The following TSC22D1 variants were observed in gnomAD, a reference collection of about 807,000 sequenced individuals.
The protein encoded by TSC22D1 is TSC22 domain family protein 1.
A neutral mutation model predicts 74.2 loss-of-function variants in TSC22D1; 9 were observed. That is an observed-to-expected ratio of 0.12 (90% CI 0.07 to 0.21). The LOEUF (loss-of-function observed/expected upper bound fraction) is 0.21. TSC22D1 is among the 10% of genes least tolerant of loss of function. The probability of loss-of-function intolerance (pLI) is 1.00; values close to 1 mark genes in which losing one functional copy is unlikely to be tolerated. For missense variants in TSC22D1, 1,427 were observed against 1,304.7 expected, an observed-to-expected ratio of 1.09 and a Z score of -1.44; for synonymous variants, 586 against 492.5, an observed-to-expected ratio of 1.19 and a Z score of -2.51.
intron 2 of TSC22D1, chr13:44,435,303 T>G (rs1017098850): frequency 6.1e-6 from 1 of 164,422 alleles, no homozygotes; most frequent in Non-Finnish European, 1.3e-5. Context: ...CCGAACATGT[T>G]GCCGCATTTT....
rs563174143 is a variant in TSC22D1, at chr13:44,478,550, G to C, written c.2913-42455C>G. ...AAAATAAATAGGAAGCTCAAAATCT[G>C]GGGGGGAAGGGTAAAATAATGGGGT... On this transcript the variant is annotated intron_variant, in intron 1 of 2. Coordinates refer to ENST00000458659, the MANE Select transcript of TSC22D1 (RefSeq NM_183422.4). 5.9e-5 allele frequency among the ~76,000 whole-genome samples: 7 copies of C among 119,132 alleles called. No individual in the cohort carries two copies. The South Asian group carries it at 1.8e-3, about 30-fold the overall frequency. 78.2% of individuals were successfully genotyped at this position (119,132 alleles called of 152,430 possible).
chr13:44,524,333 G>A (rs1045470089), intron 1 of TSC22D1, among the ~76,000 whole-genome samples: 4 of 150,080 alleles, frequency 2.7e-5, no homozygotes, highest in African/African-American at 7.3e-5. Context: ...TCAGAGAACC[G>A]AGATCACAGG....
chr13:44,497,084 G>A (rs1879012557), intron 1 of TSC22D1, among the ~76,000 whole-genome samples: 2 of 152,074 alleles, frequency 1.3e-5, no homozygotes, highest in South Asian at 4.1e-4. Flanking sequence ...TTGAAAATGG[G>A]TAGTAAGACA....
chr13:44,515,352 AG>A (rs767128576), intron 1 of TSC22D1, among the ~76,000 whole-genome samples: 5 of 152,174 alleles, frequency 3.3e-5, no homozygotes, highest in Non-Finnish European at 5.9e-5. Flanking sequence ...CTATATGGAA[AG>A]ATGGCCAAGA....
chr13:44,488,247 A>T (rs1303634336), intron 1 of TSC22D1, among the ~76,000 whole-genome samples: 1 of 152,132 alleles, frequency 6.6e-6, no homozygotes, highest in East Asian at 1.9e-4. Context: ...AGCCATACAC[A>T]CACAGCTATG....
intron 1 of TSC22D1, among the ~76,000 whole-genome samples, chr13:44,496,595 G>T (rs886617811): frequency 6.6e-6 from 1 of 152,086 alleles, no homozygotes; most frequent in South Asian, 2.1e-4. Context: ...TGAGACAGGA[G>T]AATCACTGGA....
chr13:44,487,014 A>G (rs1878458806), intron 1 of TSC22D1, among the ~76,000 whole-genome samples: 1 of 150,676 alleles, frequency 6.6e-6, no homozygotes, highest in East Asian at 1.9e-4. Context: ...AGGAAATGTA[A>G]AAAAAAAATA....
chr13:44,501,818 T>C (rs1382815786), intron 1 of TSC22D1, among the ~76,000 whole-genome samples: 2 of 152,204 alleles, frequency 1.3e-5, no homozygotes, highest in Admixed American at 1.3e-4. Context: ...CGCTAACACA[T>C]GTGCTGTGGG....
chr13:44,575,122 A>C lies in TSC22D1; in HGVS notation c.953T>G (p.Ile318Ser). ...TGTSTVNNVN[I>S]TAVGSFNPNV... ...AGGATTAAAACTACCCACAGCAGTA[A>C]TGTTAACATTATTTACTGTACTAGT... is the stretch of plus-strand genomic sequence containing the variant. The change falls in exon 1 of 3, where the codon ATT becomes AGT. Residue 318 changes from isoleucine to serine, a missense_variant. Ile to Ser is a moderately radical substitution (Grantham distance 142, BLOSUM62 -2). This residue lies in a region of TSC22D1 where 1,343 missense variants were observed against 1,191.5 expected (regional missense o/e 1.13). Coordinates refer to ENST00000458659, the MANE Select transcript of TSC22D1 (RefSeq NM_183422.4). 6.2e-7 allele frequency: 1 copy of C among 1,614,232 alleles called. No individual in the cohort carries two copies. The highest frequency in any genetic ancestry group is 1.3e-5 in the African/African-American group (1 of 75,072).
intron 1 of TSC22D1, among the ~76,000 whole-genome samples, chr13:44,466,504 C>T (rs907239954): frequency 7.9e-5 from 12 of 152,318 alleles, no homozygotes; most frequent in Middle Eastern, 3.4e-3. Flanking sequence ...CATAGTGGCT[C>T]ATGCCTGTAA....
At chr13:44,515,103 C>T (rs1454282595) in intron 1 of TSC22D1, among the ~76,000 whole-genome samples, 1 of 151,934 alleles carries the variant, frequency 6.6e-6, no homozygotes, top group African/African-American at 2.4e-5. Flanking sequence ...AAAATCATAC[C>T]CTTTGTCCCA....
At position 44,546,198 on chromosome 13, in the gene TSC22D1, T is replaced by C. The variant is rs78510190; in HGVS notation, c.2912+26965A>G. Among the ~76,000 whole-genome samples the C allele has an allele frequency of 6.2e-3, 947 of 152,300 alleles. 4 individuals are homozygous for C. The highest frequency in any genetic ancestry group is 8.7e-3 in the Non-Finnish European group (591 of 68,020). ...AAAGATTCTGATCAAGCAAGAATCATCAATGGATACTAAAATTAATGGAAG... is the reference window on the plus strand; with the variant it reads ...AAAGATTCTGATCAAGCAAGAATCACCAATGGATACTAAAATTAATGGAAG... On this transcript the variant is annotated intron_variant, in intron 1 of 2. Transcript: ENST00000458659.
chr13:44,550,349 G>A (rs936612329), intron 1 of TSC22D1, among the ~76,000 whole-genome samples: 4 of 151,994 alleles, frequency 2.6e-5, no homozygotes, highest in South Asian at 2.1e-4. Flanking sequence ...TTGGGAGGCC[G>A]GGTGGGTGGA....
intron 1 of TSC22D1, among the ~76,000 whole-genome samples, chr13:44,545,372 G>C (rs1417095090): frequency 6.6e-6 from 1 of 151,778 alleles, no homozygotes; most frequent in African/African-American, 2.4e-5. Flanking sequence ...ATTTGCCACT[G>C]ACTCCTTAAA....
intron 1 of TSC22D1, among the ~76,000 whole-genome samples, chr13:44,551,212 A>G (rs1882214743): frequency 6.6e-6 from 1 of 151,306 alleles, no homozygotes; most frequent in African/African-American, 2.4e-5. Flanking sequence ...CAGAAGTGGC[A>G]GTGATCCAAG....
At chr13:44,508,642 A>G (rs1041062936) in intron 1 of TSC22D1, among the ~76,000 whole-genome samples, 2 of 152,098 alleles carry the variant, frequency 1.3e-5, no homozygotes, top group Non-Finnish European at 2.9e-5. Flanking sequence ...TCCAGTTAAA[A>G]ATCTTTCAAC....
intron 1 of TSC22D1, among the ~76,000 whole-genome samples, chr13:44,540,274 C>T (rs1382413544): frequency 6.6e-6 from 1 of 152,072 alleles, no homozygotes; most frequent in Non-Finnish European, 1.5e-5. Flanking sequence ...TCAGATATAT[C>T]AAAGGAGGAG....
At chr13:44,465,118 C>A (rs1246440055) in intron 1 of TSC22D1, among the ~76,000 whole-genome samples, 1 of 152,122 alleles carries the variant, frequency 6.6e-6, no homozygotes, top group Non-Finnish European at 1.5e-5. Flanking sequence ...TATTTAGGAA[C>A]ATATATATCG....
chr13:44,512,018 T>G (rs995407706), intron 1 of TSC22D1, among the ~76,000 whole-genome samples: 1 of 152,186 alleles, frequency 6.6e-6, no homozygotes, highest in Non-Finnish European at 1.5e-5. Context: ...GCAATCGCAT[T>G]TATTCTCACA....
Sources: gnomAD v4.1 joint callset for allele counts (sites outside exome capture counted in the v4.1 genomes callset) on GRCh38, gnomAD v4.1.1 for gene constraint, gnomAD v4.1.1 regional missense constraint, MANE v1.5 for transcripts, NCBI Gene and HGNC (gene_info 2026-07-23, HGNC 2026-07-21) for gene names.